The following SLC9A2 variants were observed in gnomAD, a reference collection of about 807,000 sequenced individuals.
SLC9A2 encodes sodium/hydrogen exchanger 2.
In SLC9A2, 42 loss-of-function variants were observed where a neutral mutation model predicts 71.7. That is an observed-to-expected ratio of 0.59 (90% CI 0.46 to 0.76). SLC9A2 has a LOEUF of 0.76. SLC9A2 is among the 30% of genes least tolerant of loss of function. The pLI is 0.00. For missense variants in SLC9A2, 829 were observed against 1,017.4 expected, an observed-to-expected ratio of 0.81 and a Z score of 2.52; for synonymous variants, 396 against 392.5, an observed-to-expected ratio of 1.01 and a Z score of -0.10.
Position 102,680,810 on chromosome 2 carries a change from A to G in SLC9A2, c.1005-2451A>G, listed in dbSNP as rs143779118. 4.6e-5 allele frequency among the ~76,000 whole-genome samples: 7 copies of G among 152,238 alleles called. 1 individual carries two copies. The East Asian group carries it at 7.7e-4, about 17-fold the overall frequency. On this transcript the variant is annotated intron_variant, in intron 3 of 11. Transcript: ENST00000233969. ...ATTAGAATATCTGGGTGGCCTTGAT[A>G]TAATCATAAGAGCCCTTATGAGAGG...
intron 1 of SLC9A2, among the ~76,000 whole-genome samples, chr2:102,631,294 CT>C (rs540069371): frequency 6.5e-4 from 95 of 147,056 alleles, no homozygotes; most frequent in East Asian, 5.3e-3. Flanking sequence ...AGCATCTTTT[CT>C]TTTTTTTTTG....
At chr2:102,645,773 A>G (rs1483023486) in intron 1 of SLC9A2, among the ~76,000 whole-genome samples, 8 of 152,172 alleles carry the variant, frequency 5.3e-5, no homozygotes, top group Non-Finnish European at 1.0e-4. Context: ...AAAAGGAGTG[A>G]ACAAAGCTTC....
At chr2:102,682,197 G>T (rs1677466397) in intron 3 of SLC9A2, among the ~76,000 whole-genome samples, 1 of 152,142 alleles carries the variant, frequency 6.6e-6, no homozygotes, top group Non-Finnish European at 1.5e-5. Context: ...AAATTCTTTT[G>T]ATACTTCATA....
At chr2:102,677,191 A>G (rs1051968412) in intron 3 of SLC9A2, among the ~76,000 whole-genome samples, 1 of 152,234 alleles carries the variant, frequency 6.6e-6, no homozygotes, top group Admixed American at 6.5e-5. Flanking sequence ...GTCATGGAGT[A>G]ATACAGAGGA....
intron 1 of SLC9A2, among the ~76,000 whole-genome samples, chr2:102,632,057 TATAC>T (rs1335715486): frequency 0.013 from 1,759 of 132,360 alleles, 126 homozygotes; most frequent in African/African-American, 0.051. Context: ...CACACATATA[TATAC>T]ACACACATAT....
rs753850695 is a variant in SLC9A2, at chr2:102,684,348, G to A, written c.1425+12G>A. ...CTGTCTTCATTCTGGTAAGTAGAGTGATCCCTTTACCAGGAGGGTAAAAAA... is the reference window on the plus strand; with the variant it reads ...CTGTCTTCATTCTGGTAAGTAGAGTAATCCCTTTACCAGGAGGGTAAAAAA... On this transcript the variant is annotated intron_variant, in intron 5 of 11. Coordinates refer to ENST00000233969, the MANE Select transcript of SLC9A2 (RefSeq NM_003048.6). 6.2e-7 allele frequency: 1 copy of A among 1,607,400 alleles called. No homozygotes were observed. The highest frequency in any genetic ancestry group is 8.5e-7 in the Non-Finnish European group (1 of 1,173,854).
At chr2:102,676,559 A>G (rs180733951) in intron 3 of SLC9A2, among the ~76,000 whole-genome samples, 1 of 152,328 alleles carries the variant, frequency 6.6e-6, no homozygotes, top group Admixed American at 6.5e-5. Flanking sequence ...TTCATTTTTG[A>G]TATTTTAAAA....
chr2:102,665,476 T>A lies in SLC9A2; in HGVS notation c.1004+126T>A, dbSNP rs1413183626. 4.3e-6 allele frequency: 5 copies of A among 1,170,476 alleles called. No individual in the cohort carries two copies. The Admixed American group carries it at 9.6e-5, about 22-fold the overall frequency. 72.5% of individuals were successfully genotyped at this position (1,170,476 alleles called of 1,614,324 possible). On this transcript the variant is annotated intron_variant, in intron 3 of 11. Transcript: ENST00000233969. ...GGTTTTCTTATTCTTTTAAGAAAAA[T>A]TAAAAATAGATTTTTCGGACGGGCA...
intron 1 of SLC9A2, among the ~76,000 whole-genome samples, chr2:102,639,699 C>T (rs1558703911): frequency 6.6e-6 from 1 of 152,220 alleles, no homozygotes; most frequent in African/African-American, 2.4e-5. Context: ...TAAACACTTA[C>T]TCCCTGTCAC....
intron 1 of SLC9A2, among the ~76,000 whole-genome samples, chr2:102,630,220 G>C (rs73947620): frequency 1.3e-5 from 2 of 151,740 alleles, no homozygotes; most frequent in African/African-American, 2.4e-5. Context: ...TCTGCCTTCC[G>C]GATTCTTTTT....
Position 102,619,689 on chromosome 2 carries a change from C to T in SLC9A2, c.-160C>T. 1.8e-6 allele frequency: 1 copy of T among 560,138 alleles called. No homozygotes were observed. Among genetic ancestry groups the T allele is most frequent in the Non-Finnish European group, 2.9e-6 (1 of 346,060 alleles). The allele number at this position is 560,138 out of a possible 1,614,324, so 34.7% of individuals were successfully genotyped here. On this transcript the variant is annotated 5_prime_UTR_variant, in exon 1 of 12. Coordinates refer to ENST00000233969, the MANE Select transcript of SLC9A2 (RefSeq NM_003048.6). The surrounding 1 kb of genome is among the most constrained non-coding windows in gnomAD (Gnocchi z 4.3). ...GCGCCTGCTCGCAGCGAGGACCTAGCCCTCTGGTTGCAGAGACCCGGTGCC... is the reference window on the plus strand; with the variant it reads ...GCGCCTGCTCGCAGCGAGGACCTAGTCCTCTGGTTGCAGAGACCCGGTGCC...
chr2:102,705,680 T>C (rs979909441), intron 10 of SLC9A2, among the ~76,000 whole-genome samples, 166 bp from the exon 11 acceptor site: 3 of 152,198 alleles, frequency 2.0e-5, no homozygotes, highest in African/African-American at 7.2e-5. Context: ...GGAAGGGATT[T>C]AATTATTTCA....
chr2:102,620,148 T>G lies in SLC9A2; in HGVS notation c.289+11T>G, dbSNP rs774215939. On this transcript the variant is annotated intron_variant, in intron 1 of 11. Coordinates refer to ENST00000233969, the MANE Select transcript of SLC9A2 (RefSeq NM_003048.6). ...CCCTGGCCAAGATTGGTGAGCGAACTGGACTTGTGGGGAATGGGAGGGGGC... is the reference window on the plus strand; with the variant it reads ...CCCTGGCCAAGATTGGTGAGCGAACGGGACTTGTGGGGAATGGGAGGGGGC... 5.5e-5 allele frequency: 88 copies of G among 1,585,744 alleles called. No individual in the cohort carries two copies. Among genetic ancestry groups the G allele is most frequent in the Non-Finnish European group, 7.1e-5 (83 of 1,161,094 alleles).
intron 1 of SLC9A2, among the ~76,000 whole-genome samples, chr2:102,655,766 T>G (rs75535621): frequency 0.044 from 6,695 of 152,304 alleles, 491 homozygotes; most frequent in African/African-American, 0.15. Flanking sequence ...ACTGGATAAT[T>G]TATAAATAAC....
chr2:102,681,192 G>A (rs956869357), intron 3 of SLC9A2, among the ~76,000 whole-genome samples: 3 of 152,160 alleles, frequency 2.0e-5, no homozygotes, highest in African/African-American at 7.2e-5. Context: ...ATCAGAGATC[G>A]TAGGGCTCAT....
chr2:102,695,774 TA>T (rs1677745365), intron 7 of SLC9A2, among the ~76,000 whole-genome samples: 1 of 26,820 alleles, frequency 3.7e-5, no homozygotes, highest in Admixed American at 4.6e-4. Context: ...ATATATAATA[TA>T]TATTATATAT....
rs187635112 is a variant in SLC9A2 at position 102,688,792 on chromosome 2, T to G, written c.1425+4456T>G. Among the ~76,000 whole-genome samples, 1,060 of 152,270 alleles carry G rather than the reference T, an allele frequency of 7.0e-3. 11 individuals are homozygous for G. Among genetic ancestry groups the G allele is most frequent in the African/African-American group, 0.024 (1,013 of 41,560 alleles). On this transcript the variant is annotated intron_variant, in intron 5 of 11. Coordinates refer to ENST00000233969, the MANE Select transcript of SLC9A2 (RefSeq NM_003048.6). Reference sequence around the variant, plus strand: ...CGAAAGAAAGAAAAAGGTAAGTTCTTTCAATATATTTTTCTTTGGAAGGAA... The same window carrying G: ...CGAAAGAAAGAAAAAGGTAAGTTCTGTCAATATATTTTTCTTTGGAAGGAA...
chr2:102,624,506 G>A (rs1222053679), intron 1 of SLC9A2, among the ~76,000 whole-genome samples: 1 of 152,144 alleles, frequency 6.6e-6, no homozygotes, highest in Non-Finnish European at 1.5e-5. Flanking sequence ...TGGGGTTTTT[G>A]CTAATTTGGG....
intron 1 of SLC9A2, among the ~76,000 whole-genome samples, chr2:102,623,528 G>A (rs1216970149): frequency 2.6e-5 from 4 of 151,966 alleles, no homozygotes; most frequent in Admixed American, 2.6e-4. Context: ...CTGGTGCTGT[G>A]GGACACTTTC....
Sources: gnomAD v4.1 joint callset for allele counts (sites outside exome capture counted in the v4.1 genomes callset) on GRCh38, gnomAD v4.1.1 for gene constraint, Gnocchi (gnomAD v3.1) non-coding constraint, MANE v1.5 for transcripts, NCBI Gene and HGNC (gene_info 2026-07-23, HGNC 2026-07-21) for gene names.